The following MACROD2 variants were observed in gnomAD, a reference collection of about 807,000 sequenced individuals.
The protein encoded by MACROD2 is ADP-ribose glycohydrolase MACROD2.
Under a neutral mutation model 70.4 loss-of-function variants are expected in MACROD2, and 36 were observed. That is an observed-to-expected ratio of 0.51 (90% CI 0.39 to 0.68). The LOEUF (loss-of-function observed/expected upper bound fraction) is 0.68. Ranked by LOEUF, MACROD2 falls within the 30% of genes least tolerant of loss-of-function variation. MACROD2 has a pLI of 0.00. For synonymous variants in MACROD2, 172 were observed against 178.8 expected (o/e 0.96, Z 0.30); for missense variants, 496 against 538.4 (o/e 0.92, Z 0.78).
chr20:15,105,311 A>G (rs1046655573), intron 5 of MACROD2, among the ~76,000 whole-genome samples: 3 of 151,994 alleles, frequency 2.0e-5, no homozygotes, highest in Middle Eastern at 3.4e-3. Flanking sequence ...CTCAGGTTCA[A>G]CTCCTATTTT....
intron 8 of MACROD2, among the ~76,000 whole-genome samples, chr20:15,735,959 A>G (rs1486632077): frequency 2.0e-5 from 1 of 48,936 alleles, no homozygotes; most frequent in Non-Finnish European, 4.7e-5. Flanking sequence ...ACTATACTAA[A>G]CTCCTTAGGG....
At chr20:15,608,497 G>T (rs996202348) in intron 8 of MACROD2, among the ~76,000 whole-genome samples, 2 of 152,110 alleles carry the variant, frequency 1.3e-5, no homozygotes, top group African/African-American at 4.8e-5. Flanking sequence ...TCAAGGAGCC[G>T]AGCCTAACTA....
chr20:15,824,925 C>A (rs186170207), intron 8 of MACROD2, among the ~76,000 whole-genome samples: 1 of 152,122 alleles, frequency 6.6e-6, no homozygotes, highest in Admixed American at 6.5e-5. Flanking sequence ...AGAGTTGATG[C>A]CAAATAAGTA....
chr20:15,087,073 A>G lies in MACROD2; in HGVS notation c.419-142867A>G, dbSNP rs527452355. On this transcript the variant is annotated intron_variant, in intron 5 of 17. Transcript: ENST00000684519. ...TATTTAATTATCTATACCAATACCTATCATCTATTTATGTATCTTTATTAT... is the reference window on the plus strand; with the variant it reads ...TATTTAATTATCTATACCAATACCTGTCATCTATTTATGTATCTTTATTAT... Among the ~76,000 whole-genome samples the G allele has an allele frequency of 1.3e-3, 196 of 152,050 alleles. 2 individuals carry two copies. The highest frequency in any genetic ancestry group is 4.6e-3 in the African/African-American group (189 of 41,522).
intron 5 of MACROD2, among the ~76,000 whole-genome samples, chr20:14,944,607 T>G (rs1455512165): frequency 6.6e-6 from 1 of 152,140 alleles, no homozygotes; most frequent in African/African-American, 2.4e-5. Context: ...TAGTTCTGAT[T>G]CCAGATTCCC....
At chr20:14,528,366 C>T (rs575920183) in intron 4 of MACROD2, among the ~76,000 whole-genome samples, 33 of 147,406 alleles carry the variant, frequency 2.2e-4, no homozygotes, top group Admixed American at 1.4e-3. Flanking sequence ...GTTGGTCAGG[C>T]TGGTCTCCAA....
rs935016058 is a variant in MACROD2, at chr20:15,086,887, A to G, written c.419-143053A>G. ...AAGGAGATAATATTTGTGAGGTTATATAGCACATATTAGGCCCTTTAAGAT... is the reference window on the plus strand; with the variant it reads ...AAGGAGATAATATTTGTGAGGTTATGTAGCACATATTAGGCCCTTTAAGAT... On this transcript the variant is annotated intron_variant, in intron 5 of 17. Coordinates refer to ENST00000684519, the MANE Select transcript of MACROD2 (RefSeq NM_001351661.2). Among the ~76,000 whole-genome samples the G allele has an allele frequency of 6.6e-5, 10 of 152,164 alleles. 1 individual carries two copies. The highest frequency in any genetic ancestry group is 1.3e-4 in the Non-Finnish European group (9 of 68,016).
chr20:15,091,974 C>A (rs1472589977), intron 5 of MACROD2, among the ~76,000 whole-genome samples: 1 of 151,676 alleles, frequency 6.6e-6, no homozygotes, highest in Non-Finnish European at 1.5e-5. Context: ...TGTAAGTGAA[C>A]GACAAATACT....
chr20:14,466,596 G>A (rs1397309036), intron 3 of MACROD2, among the ~76,000 whole-genome samples: 1 of 152,130 alleles, frequency 6.6e-6, no homozygotes, highest in Non-Finnish European at 1.5e-5. Flanking sequence ...TTCCTTTGGA[G>A]GAGGAGCGGT....
At chr20:15,205,090 G>A (rs889291528) in intron 5 of MACROD2, among the ~76,000 whole-genome samples, 5 of 152,064 alleles carry the variant, frequency 3.3e-5, no homozygotes, top group African/African-American at 9.7e-5. Context: ...TACTTTAATC[G>A]TTATCTCAAA....
intron 5 of MACROD2, among the ~76,000 whole-genome samples, chr20:15,188,811 C>G (rs1052561649): frequency 6.6e-6 from 1 of 152,032 alleles, no homozygotes; most frequent in Non-Finnish European, 1.5e-5. Context: ...TTGTAATTGT[C>G]CCCCCTAAAA....
At chr20:14,499,741 G>GT (rs1396327109) in intron 4 of MACROD2, among the ~76,000 whole-genome samples, 1 of 151,628 alleles carries the variant, frequency 6.6e-6, no homozygotes, top group Non-Finnish European at 1.5e-5. Flanking sequence ...CCCGTCTTCT[G>GT]TCCTCCCTCC....
At position 16,051,134 on chromosome 20, in the gene MACROD2, C is replaced by T. The variant is rs1040656510; in HGVS notation, c.*1258C>T. The T allele has an allele frequency of 1.3e-5, 2 of 152,208 alleles. No homozygotes were observed. Among genetic ancestry groups the T allele is most frequent in the African/African-American group, 4.8e-5 (2 of 41,460 alleles). 9.4% of individuals were successfully genotyped at this position (152,208 alleles called of 1,614,324 possible). Reference sequence around the variant, plus strand: ...AAGGCCAGATGCCTACTTCCCACAGCCTCCCCGGGTTCCAAAGTCATGTCA... The same window carrying T: ...AAGGCCAGATGCCTACTTCCCACAGTCTCCCCGGGTTCCAAAGTCATGTCA... On this transcript the variant is annotated 3_prime_UTR_variant, in exon 18 of 18. Transcript: ENST00000684519.
intron 6 of MACROD2, among the ~76,000 whole-genome samples, chr20:15,356,388 G>C (rs2146235099): frequency 6.6e-6 from 1 of 152,192 alleles, no homozygotes; most frequent in Middle Eastern, 3.4e-3. Flanking sequence ...AAATTTTATA[G>C]GATTTTAAGT....
intron 6 of MACROD2, among the ~76,000 whole-genome samples, chr20:15,325,170 G>T (rs193017736): frequency 2.0e-5 from 3 of 152,056 alleles, no homozygotes; most frequent in African/African-American, 7.2e-5. Context: ...TCACCCCATT[G>T]GTCCTTGTTG....
chr20:14,477,587 A>G (rs1285224440), intron 3 of MACROD2, among the ~76,000 whole-genome samples: 1 of 152,172 alleles, frequency 6.6e-6, no homozygotes, highest in South Asian at 2.1e-4. Flanking sequence ...TTTTTTAAAG[A>G]AAAAATTGTT....
intron 5 of MACROD2, among the ~76,000 whole-genome samples, chr20:14,807,837 A>G (rs776035368): frequency 6.6e-6 from 1 of 152,134 alleles, no homozygotes; most frequent in Non-Finnish European, 1.5e-5. Context: ...AGAAGAAAGG[A>G]TATCAGAGAT....
chr20:14,623,732 T>C (rs6033990), intron 4 of MACROD2, among the ~76,000 whole-genome samples: 5,168 of 152,190 alleles, frequency 0.034, 314 homozygotes, highest in African/African-American at 0.12. Context: ...TGTCCAAGGT[T>C]CACTGAAAAG....
At chr20:14,463,428 A>G (rs2084396994) in intron 3 of MACROD2, among the ~76,000 whole-genome samples, 1 of 151,900 alleles carries the variant, frequency 6.6e-6, no homozygotes, top group African/African-American at 2.4e-5. Context: ...GCTTAAGGAG[A>G]TTTTGGGCTG....
Sources: allele counts gnomAD v4.1 joint callset (sites outside exome capture counted in the v4.1 genomes callset), GRCh38; gene constraint gnomAD v4.1.1; transcripts MANE v1.5; gene names NCBI Gene and HGNC (gene_info 2026-07-23, HGNC 2026-07-21).